ST8SIA4: variants seen among roughly 807,000 people sequenced by gnomAD.
ST8SIA4 encodes the protein CMP-N-acetylneuraminate-poly-alpha-2,8-sialyltransferase.
Under a neutral mutation model 33.9 loss-of-function variants are expected in ST8SIA4, and 15 were observed. The ratio of observed to expected loss-of-function variants is 0.44; its 90% CI spans 0.30 to 0.68. The LOEUF (loss-of-function observed/expected upper bound fraction) is 0.68, where lower values mean the gene tolerates loss of function less well. Among genes scored for constraint, ST8SIA4 ranks in the 30% least tolerant of loss-of-function variants. The probability of loss-of-function intolerance (pLI) is 0.10; values close to 1 mark genes in which losing one functional copy is unlikely to be tolerated. For missense variants in ST8SIA4, 321 were observed against 428.0 expected (o/e 0.75, Z 2.21); for synonymous variants, 171 against 151.2 (o/e 1.13, Z -0.96).
chr5:100,888,717 G>T (rs965424886), intron 2 of ST8SIA4, among the ~76,000 whole-genome samples: 1 of 151,850 alleles, frequency 6.6e-6, no homozygotes, highest in Non-Finnish European at 1.5e-5. Flanking sequence ...GCATAAGCAT[G>T]ATTAGCAAAG....
At chr5:100,835,996 C>G (rs973289334) in intron 4 of ST8SIA4, among the ~76,000 whole-genome samples, 1 of 152,000 alleles carries the variant, frequency 6.6e-6, no homozygotes, top group Non-Finnish European at 1.5e-5. Flanking sequence ...TTTCAAGACA[C>G]TTTATTAGAA....
At chr5:100,878,854 T>C (rs1181168310) in intron 3 of ST8SIA4, among the ~76,000 whole-genome samples, 1 of 152,206 alleles carries the variant, frequency 6.6e-6, no homozygotes, top group Non-Finnish European at 1.5e-5. Context: ...AATCTGATTT[T>C]TTGTGGTAAA....
chr5:100,856,312 T>C lies in ST8SIA4; in HGVS notation c.588A>G (p.Gln196=), dbSNP rs1487441513. 4 of 1,614,138 alleles carry C rather than the reference T, an allele frequency of 2.5e-6. No individual in the cohort carries two copies. The highest frequency in any genetic ancestry group is 3.4e-6 in the Non-Finnish European group (4 of 1,179,980). ...DFITMNPSVV[Q]RAFGGFRNES... is the part of the protein sequence containing the mutation. ...CATTTCGAAAGCCTCCAAATGCTCT[T>C]TGTACAACTGATGGATTCATGGTAA... The change falls in exon 4 of 5, where the codon CAA becomes CAG. Residue 196 remains glutamine, a synonymous_variant. Coordinates refer to ENST00000231461, the MANE Select transcript of ST8SIA4 (RefSeq NM_005668.6).
intron 4 of ST8SIA4, among the ~76,000 whole-genome samples, chr5:100,813,615 TG>T (rs1750855898): frequency 6.6e-6 from 1 of 151,966 alleles, no homozygotes; most frequent in Non-Finnish European, 1.5e-5. Context: ...ACATAGACAG[TG>T]ATTCTATGCA....
At chr5:100,836,482 G>A (rs947497954) in intron 4 of ST8SIA4, among the ~76,000 whole-genome samples, 6 of 151,704 alleles carry the variant, frequency 4.0e-5, no homozygotes, top group Admixed American at 3.9e-4. Flanking sequence ...GACTACTAAT[G>A]GATAAAAATA....
At chr5:100,833,540 AAG>A (rs534903440) in intron 4 of ST8SIA4, among the ~76,000 whole-genome samples, 54 of 152,120 alleles carry the variant, frequency 3.5e-4, no homozygotes, top group Non-Finnish European at 6.9e-4. Context: ...TAACTTGGGA[AAG>A]TTACTTAACT....
At chr5:100,827,265 C>G (rs981362509) in intron 4 of ST8SIA4, among the ~76,000 whole-genome samples, 2 of 152,124 alleles carry the variant, frequency 1.3e-5, no homozygotes, top group Non-Finnish European at 2.9e-5. Context: ...GAAAACATCT[C>G]TTTTTCAGAT....
At chr5:100,851,674 C>T (rs1373993433) in intron 4 of ST8SIA4, among the ~76,000 whole-genome samples, 1 of 151,946 alleles carries the variant, frequency 6.6e-6, no homozygotes, top group Non-Finnish European at 1.5e-5. Context: ...ATCTATCTGT[C>T]TATCTATAGG....
intron 3 of ST8SIA4, among the ~76,000 whole-genome samples, chr5:100,865,440 C>A (rs1444684704): frequency 6.6e-6 from 1 of 152,142 alleles, no homozygotes; most frequent in Non-Finnish European, 1.5e-5. Flanking sequence ...TCTCAATTCA[C>A]ACCTCACTTC....
At chr5:100,830,577 T>C (rs9327319) in intron 4 of ST8SIA4, among the ~76,000 whole-genome samples, 1 of 152,022 alleles carries the variant, frequency 6.6e-6, no homozygotes, top group Admixed American at 6.5e-5. Context: ...CGAATTCAAG[T>C]TACCTCTATA....
At chr5:100,816,934 T>C (rs1750932179) in intron 4 of ST8SIA4, among the ~76,000 whole-genome samples, 1 of 149,800 alleles carries the variant, frequency 6.7e-6, no homozygotes, top group Non-Finnish European at 1.5e-5. Context: ...TAATTGGCTT[T>C]TTTTCTTTTT....
At chr5:100,839,170 C>G (rs1751423737) in intron 4 of ST8SIA4, among the ~76,000 whole-genome samples, 1 of 151,610 alleles carries the variant, frequency 6.6e-6, no homozygotes. Context: ...TTAGAATATG[C>G]AAAAAAATTA....
At chr5:100,825,994 T>G (rs185339735) in intron 4 of ST8SIA4, among the ~76,000 whole-genome samples, 1 of 152,338 alleles carries the variant, frequency 6.6e-6, no homozygotes, top group East Asian at 1.9e-4. Context: ...GTCAAGGGGA[T>G]AGCTCATTTC....
At chr5:100,900,315 C>G (rs72778637) in intron 1 of ST8SIA4, 150 of 428,420 alleles carry the variant, frequency 3.5e-4, no homozygotes, top group Non-Finnish European at 6.5e-4. Context: ...CCTTGGTTAC[C>G]TCACTTGAAT....
intron 4 of ST8SIA4, among the ~76,000 whole-genome samples, chr5:100,841,965 T>C (rs1304015443): frequency 6.6e-6 from 1 of 151,862 alleles, no homozygotes; most frequent in African/African-American, 2.4e-5. Context: ...CCTGCTTTGT[T>C]TTCTTCTTTG....
chr5:100,877,444 T>C (rs527771887), intron 3 of ST8SIA4, among the ~76,000 whole-genome samples: 5 of 152,126 alleles, frequency 3.3e-5, no homozygotes, highest in Non-Finnish European at 7.4e-5. Flanking sequence ...AGGAAGGAAA[T>C]GTGTTTGTTA....
chr5:100,825,921 A>G (rs1380377810), intron 4 of ST8SIA4, among the ~76,000 whole-genome samples: 1 of 152,190 alleles, frequency 6.6e-6, no homozygotes, highest in African/African-American at 2.4e-5. Flanking sequence ...ATTAGGGTCA[A>G]AAAATACAAT....
chr5:100,861,171 A>G (rs1424863128), intron 3 of ST8SIA4, among the ~76,000 whole-genome samples: 2 of 151,864 alleles, frequency 1.3e-5, no homozygotes, highest in Middle Eastern at 3.2e-3. Flanking sequence ...ATGAATAGGC[A>G]CACAAAATAC....
At chr5:100,876,427 G>C (rs1470622692) in intron 3 of ST8SIA4, among the ~76,000 whole-genome samples, 1 of 151,972 alleles carries the variant, frequency 6.6e-6, no homozygotes, top group Non-Finnish European at 1.5e-5. Flanking sequence ...AATTTTGCTT[G>C]TCTGTAATCA....
Sources: allele counts gnomAD v4.1 joint callset (sites outside exome capture counted in the v4.1 genomes callset), GRCh38; gene constraint gnomAD v4.1.1; transcripts MANE v1.5; gene names NCBI Gene and HGNC (gene_info 2026-07-23, HGNC 2026-07-21).